Variants in CSNK1G1 observed in about 807,000 individuals in gnomAD.
CSNK1G1 encodes the protein casein kinase 1 gamma 1, also known as casein kinase I isoform gamma-1.
Under a neutral mutation model 59.6 loss-of-function variants are expected in CSNK1G1, and 22 were observed. The ratio of observed to expected loss-of-function variants is 0.37; its 90% confidence interval spans 0.26 to 0.53. CSNK1G1 has a LOEUF of 0.53. Ranked by LOEUF, CSNK1G1 falls within the 20% of genes least tolerant of loss-of-function variation. CSNK1G1 has a pLI of 0.89. For synonymous variants in CSNK1G1, 179 were observed against 177.1 expected (o/e 1.01, Z -0.08); for missense variants, 384 against 519.5 (o/e 0.74, Z 2.54).
At chr15:64,312,755 GGGA>G (rs1896061833) in intron 1 of CSNK1G1, among the ~76,000 whole-genome samples, 1 of 152,190 alleles carries the variant, frequency 6.6e-6, no homozygotes, top group Non-Finnish European at 1.5e-5. Flanking sequence ...ATTGACAAAT[GGGA>G]TCTAATTAAA....
chr15:64,212,291 G>A, intron 6 of CSNK1G1, among the ~76,000 whole-genome samples: 1 of 152,220 alleles, frequency 6.6e-6, no homozygotes, highest in South Asian at 2.1e-4. Context: ...ATTTCAAATC[G>A]AATTGTATCA....
intron 1 of CSNK1G1, among the ~76,000 whole-genome samples, chr15:64,325,629 T>G (rs745612828): frequency 6.6e-6 from 1 of 152,214 alleles, no homozygotes; most frequent in Non-Finnish European, 1.5e-5. Flanking sequence ...CCTTTAACTA[T>G]TATAACTTTA....
intron 3 of CSNK1G1, among the ~76,000 whole-genome samples, chr15:64,254,155 TA>T (rs911448146): frequency 7.1e-6 from 1 of 140,604 alleles, no homozygotes; most frequent in Non-Finnish European, 1.5e-5. Flanking sequence ...AAACAAACAA[TA>T]AAAAAAATTA....
At position 64,188,246 on chromosome 15, in the gene CSNK1G1, T is replaced by C; in HGVS notation, c.1108-7792A>G. 2 of 621,186 alleles carry C rather than the reference T, an allele frequency of 3.2e-6. No individual in the cohort carries two copies. Among genetic ancestry groups the C allele is most frequent in the East Asian group, 2.9e-5 (1 of 35,082 alleles). The allele number at this position is 621,186 out of a possible 1,614,324, so 38.5% of individuals were successfully genotyped here. On this transcript the variant is annotated intron_variant, in intron 10 of 11. Transcript: ENST00000303052. This position sits in a 1 kb window ranked among gnomAD's most constrained non-coding sequence, Gnocchi z 4.2. ...TACCCAAGTCCACCTAGACAGAAAA[T>C]CTACAGAGATATTCAATTAGCCCTT...
intron 1 of CSNK1G1, among the ~76,000 whole-genome samples, chr15:64,343,523 G>A (rs1370032122): frequency 6.6e-6 from 1 of 152,046 alleles, no homozygotes; most frequent in East Asian, 1.9e-4. Flanking sequence ...GTTTTCCCAA[G>A]TGATTCTAAG....
At chr15:64,242,578 AT>A (rs1891530788) in intron 4 of CSNK1G1, among the ~76,000 whole-genome samples, 1 of 152,156 alleles carries the variant, frequency 6.6e-6, no homozygotes, top group Non-Finnish European at 1.5e-5. Context: ...TTTCTTTATA[AT>A]TTATACAGTC....
chr15:64,172,126 C>T (rs2081676430), intron 11 of CSNK1G1, 141 bp from the exon 12 acceptor site: 1 of 722,394 alleles, frequency 1.4e-6, no homozygotes, highest in African/African-American at 1.7e-5. Context: ...ACAGTGCACG[C>T]ACTGGAGGCA....
intron 1 of CSNK1G1, among the ~76,000 whole-genome samples, chr15:64,347,938 G>A (rs1255532816): frequency 6.6e-6 from 1 of 151,772 alleles, no homozygotes; most frequent in Non-Finnish European, 1.5e-5. Context: ...CCCAGGAGGC[G>A]GAGGTTTCAG....
rs1160851968 is a variant in CSNK1G1, at chr15:64,188,116, G to C, written c.1108-7662C>G. ...GTTATTTTTATGGTTTATCATGAAT[G>C]CATCAAGGTGGTAGGACTAGGTTAA... is the stretch of plus-strand genomic sequence containing the variant. On this transcript the variant is annotated intron_variant, in intron 10 of 11. Transcript: ENST00000303052. The surrounding 1 kb of genome is among the most constrained non-coding windows in gnomAD (Gnocchi z 4.2). Among the ~76,000 whole-genome samples the C allele has an allele frequency of 1.3e-5, 2 of 152,184 alleles. No homozygotes were observed. Among genetic ancestry groups the C allele is most frequent in the Non-Finnish European group, 2.9e-5 (2 of 68,030 alleles).
chr15:64,192,633 C>A (rs990224499), intron 10 of CSNK1G1, among the ~76,000 whole-genome samples: 1 of 151,598 alleles, frequency 6.6e-6, no homozygotes, highest in Non-Finnish European at 1.5e-5. Flanking sequence ...CTGAGGGGGG[C>A]GGATCACCTA....
In CSNK1G1 at chr15:64,300,671, T is replaced by A; in HGVS notation, c.-172A>T. 7.8e-7 allele frequency: 1 copy of A among 1,283,032 alleles called. No homozygotes were observed. The highest frequency in any genetic ancestry group is 9.9e-7 in the Non-Finnish European group (1 of 1,013,840). The allele number at this position is 1,283,032 out of a possible 1,614,324, so 79.5% of individuals were successfully genotyped here. On this transcript the variant is annotated 5_prime_UTR_variant, in exon 2 of 12. Transcript: ENST00000303052. ...GGGAGATGAAAAACCATTTATTTGT[T>A]CCCGTAGGAAATGTAGTCACTAGGT...
chr15:64,242,680 C>A (rs1308013210), intron 4 of CSNK1G1, among the ~76,000 whole-genome samples: 1 of 152,162 alleles, frequency 6.6e-6, no homozygotes, highest in African/African-American at 2.4e-5. Flanking sequence ...AATATAAATT[C>A]TTCTAAAACA....
At chr15:64,246,544 G>A (rs1295627036) in intron 4 of CSNK1G1, among the ~76,000 whole-genome samples, 1 of 144,132 alleles carries the variant, frequency 6.9e-6, no homozygotes, top group Non-Finnish European at 1.5e-5. Context: ...GATGACTAGA[G>A]CCAAAGAATT....
intron 10 of CSNK1G1, among the ~76,000 whole-genome samples, chr15:64,192,115 T>TA (rs1459019509): frequency 1.3e-5 from 2 of 152,222 alleles, no homozygotes; most frequent in African/African-American, 2.4e-5. Context: ...AGTAGCTAGT[T>TA]AGATTAAGCA....
intron 2 of CSNK1G1, among the ~76,000 whole-genome samples, chr15:64,277,864 A>G (rs1280721067): frequency 7.1e-6 from 1 of 141,032 alleles, no homozygotes; most frequent in Non-Finnish European, 1.5e-5. Context: ...ATATTGATAT[A>G]TTTAATAATA....
At chr15:64,273,599 A>G (rs1893444542) in intron 2 of CSNK1G1, among the ~76,000 whole-genome samples, 2 of 152,174 alleles carry the variant, frequency 1.3e-5, no homozygotes, top group South Asian at 4.1e-4. Flanking sequence ...GATTACATGT[A>G]ATGTGAGGGA....
chr15:64,269,412 A>G (rs181666589), intron 2 of CSNK1G1, among the ~76,000 whole-genome samples: 64 of 150,512 alleles, frequency 4.3e-4, no homozygotes, highest in African/African-American at 1.6e-3. Flanking sequence ...GGGCAGGTGT[A>G]TGTGTCCAGG....
At chr15:64,209,958 G>A (rs952796517) in intron 6 of CSNK1G1, among the ~76,000 whole-genome samples, 5 of 151,872 alleles carry the variant, frequency 3.3e-5, no homozygotes, top group Admixed American at 3.3e-4. Context: ...CAGGCCTACA[G>A]AAAAAAGATT....
chr15:64,204,617 C>T (rs750077705), intron 8 of CSNK1G1, 28 bp from the exon 9 acceptor site: 2 of 1,607,298 alleles, frequency 1.2e-6, no homozygotes, highest in Non-Finnish European at 1.7e-6. Context: ...AAAGGCCCTG[C>T]TCATTAGCTG....
Sources: allele counts gnomAD v4.1 joint callset (sites outside exome capture counted in the v4.1 genomes callset), GRCh38; gene constraint gnomAD v4.1.1; non-coding constraint Gnocchi (gnomAD v3.1); transcripts MANE v1.5; gene names NCBI Gene and HGNC (gene_info 2026-07-23, HGNC 2026-07-21).